Variants in ATR observed in about 807,000 individuals in gnomAD.
ATR encodes the protein ATR checkpoint kinase.
Under a neutral mutation model 305.3 loss-of-function variants are expected in ATR, and 142 were observed. The ratio of observed to expected loss-of-function variants is 0.47; its 90% CI spans 0.41 to 0.53. The LOEUF (loss-of-function observed/expected upper bound fraction) is 0.53. Among genes scored for constraint, ATR ranks in the 20% least tolerant of loss-of-function variants. The probability of loss-of-function intolerance (pLI) is 0.00; values close to 1 mark genes in which losing one functional copy is unlikely to be tolerated. For synonymous variants in ATR, 1,050 were observed against 1,068.1 expected (o/e 0.98, Z 0.33); for missense variants, 2,135 against 3,133.1 (o/e 0.68, Z 7.60).
At chr3:142,469,243 C>A in intron 38 of ATR, 94 bp downstream of exon 38, 1 of 1,017,474 alleles carries the variant, frequency 9.8e-7, no homozygotes, top group Non-Finnish European at 1.5e-6. Context: ...GAGAGACGCC[C>A]TGGAACTTGT....
At chr3:142,504,003 T>TA (rs2032110254) in intron 29 of ATR, among the ~76,000 whole-genome samples, 1 of 152,202 alleles carries the variant, frequency 6.6e-6, no homozygotes, top group African/African-American at 2.4e-5. Context: ...ACTAAAAAGT[T>TA]AAAGAGGATT....
At chr3:142,504,467 CT>C (rs779893116) in intron 29 of ATR, among the ~76,000 whole-genome samples, 239 of 143,184 alleles carry the variant, frequency 1.7e-3, no homozygotes, top group East Asian at 3.0e-3. Flanking sequence ...TGGAAGGGAC[CT>C]TTTTTTTTTT....
In ATR at chr3:142,553,583, T is replaced by TA; in HGVS notation, c.2633+56dup. On this transcript the variant is annotated intron_variant, in intron 12 of 46. Transcript: ENST00000350721. ...ATCACCATTTTTAACAGCAAGCAAA[T>TA]AAAAATGGAGAATGGCCAAAATAAA... is the stretch of plus-strand genomic sequence containing the variant. 4 of 1,517,438 alleles carry TA rather than the reference T, an allele frequency of 2.6e-6. No homozygotes were observed. The East Asian group carries it at 9.1e-5, about 34-fold the overall frequency. 94.0% of individuals were successfully genotyped at this position (1,517,438 alleles called of 1,614,324 possible). A position where few individuals can be genotyped will look rare whatever the true frequency, so the allele number is the denominator to read the frequency against.
In ATR at chr3:142,503,114, A is replaced by G. The variant is rs9856772; in HGVS notation, c.5288+248T>C. The stretch of plus-strand genomic sequence containing the variant: ...TCCCATCTGAGCCTCACCAATAGCC[A>G]GTGGGTTCTAGAAGTTCCTTGTGTT... On this transcript the variant is annotated intron_variant, in intron 30 of 46. Coordinates refer to ENST00000350721, the MANE Select transcript of ATR (RefSeq NM_001184.4). Among the ~76,000 whole-genome samples, 140,554 of 152,248 alleles carry G rather than the reference A, an allele frequency of 0.92. 65,034 individuals are homozygous for G. Among genetic ancestry groups the G allele is most frequent in the East Asian group, 1 (5,182 of 5,182 alleles).
chr3:142,490,294 G>C (rs111459230), intron 35 of ATR, among the ~76,000 whole-genome samples: 2,704 of 152,260 alleles, frequency 0.018, 29 homozygotes, highest in South Asian at 0.041. Context: ...AGCTTCAAGT[G>C]ATCCTCAGGC....
At chr3:142,504,410 A>T (rs2032133400) in intron 29 of ATR, among the ~76,000 whole-genome samples, 1 of 152,154 alleles carries the variant, frequency 6.6e-6, no homozygotes, top group Non-Finnish European at 1.5e-5. Flanking sequence ...ACTCCATAAT[A>T]AATCTTATTC....
At chr3:142,558,050 AAGG>A (rs1277376127) in intron 8 of ATR, among the ~76,000 whole-genome samples, 10 of 152,246 alleles carry the variant, frequency 6.6e-5, no homozygotes, top group Admixed American at 2.6e-4. Context: ...AATGATATGT[AAGG>A]ACACATTGCA....
chr3:142,464,859 A>G (rs1225065207), intron 41 of ATR, among the ~76,000 whole-genome samples: 1 of 152,196 alleles, frequency 6.6e-6, no homozygotes, highest in Non-Finnish European at 1.5e-5. Context: ...AAAACTGTCA[A>G]ATGTTAAGTT....
chr3:142,449,677 T>C (rs1002165577), intron 46 of ATR, 75 bp from the exon 47 acceptor site: 2 of 1,468,870 alleles, frequency 1.4e-6, no homozygotes, highest in African/African-American at 2.8e-5. Flanking sequence ...TATTTTGACA[T>C]TTAATAAATG....
In ATR at chr3:142,480,554, A is replaced by G. The variant is rs139645402; in HGVS notation, c.6221+4586T>C. Among the ~76,000 whole-genome samples, 2 of 152,196 alleles carry G rather than the reference A, an allele frequency of 1.3e-5. 1 individual carries two copies. The highest frequency in any genetic ancestry group is 4.1e-4 in the South Asian group (2 of 4,830). ...GTGTCAGGGTCCCACTTGAGGAGGC[A>G]GTCTGTCAGTGCTCAGATCTCAAAC... is the stretch of plus-strand genomic sequence containing the variant. On this transcript the variant is annotated intron_variant, in intron 36 of 46. Transcript: ENST00000350721.
chr3:142,567,103 C>T (rs2035100641), intron 2 of ATR, among the ~76,000 whole-genome samples: 1 of 152,134 alleles, frequency 6.6e-6, no homozygotes, highest in Admixed American at 6.5e-5. Flanking sequence ...CTCTACCATA[C>T]ATCTATTTAT....
At chr3:142,514,048 T>A (rs908345713) in intron 25 of ATR, among the ~76,000 whole-genome samples, 1 of 150,950 alleles carries the variant, frequency 6.6e-6, no homozygotes, top group African/African-American at 2.4e-5. Context: ...GGTGGGAGGA[T>A]CACGAGGTCA....
At position 142,571,488 on chromosome 3, in the gene ATR, TA is replaced by T. The variant is rs2035258110; in HGVS notation, c.60-3335del. On this transcript the variant is annotated intron_variant, in intron 1 of 46. Transcript: ENST00000350721. ...CTCAATAAATAAATAAATAAATAAA[TA>T]AATAAATAAATAAATAAATAATCAA... is the stretch of plus-strand genomic sequence containing the variant. Among the ~76,000 whole-genome samples the T allele has an allele frequency of 4.0e-5, 6 of 148,678 alleles. No homozygotes were observed. The South Asian group carries it at 1.3e-3, about 31-fold the overall frequency.
chr3:142,478,884 C>G (rs2030170603), intron 36 of ATR, among the ~76,000 whole-genome samples: 1 of 152,046 alleles, frequency 6.6e-6, no homozygotes, highest in South Asian at 2.1e-4. Context: ...GGTTTAAAGT[C>G]TGTTTTATCA....
At chr3:142,565,903 A>T (rs550057724) in intron 3 of ATR, among the ~76,000 whole-genome samples, 2 of 152,174 alleles carry the variant, frequency 1.3e-5, no homozygotes, top group African/African-American at 4.8e-5. Flanking sequence ...ATGGCAAATA[A>T]ACAAATTTGA....
At chr3:142,553,433 A>ATC in intron 12 of ATR, 35 bp from the exon 13 acceptor site, 1 of 1,404,258 alleles carries the variant, frequency 7.1e-7, no homozygotes. Flanking sequence ...TGAATACACA[A>ATC]ACACACACAC....
In ATR at chr3:142,561,274, G is replaced by C. The variant is rs535140939; in HGVS notation, c.1318C>G (p.Pro440Ala). Residue 440 changes from proline (P) to alanine (A), a missense_variant, in exon 5 of 47, where the codon CCT (proline) becomes GCT (alanine). Physicochemically the swap from Pro to Ala is conservative, Grantham distance 27. Transcript: ENST00000350721. ...GTCTGTTTTGGTGCTCTTTTAGAAGGGTTTAGAGACGAGCTGAGACGACGC... is the reference window on the plus strand; with the variant it reads ...GTCTGTTTTGGTGCTCTTTTAGAAGCGTTTAGAGACGAGCTGAGACGACGC... ...KRRRLSSSLNPSKRAPKQTEE... is the reference protein window; with the variant it reads ...KRRRLSSSLNASKRAPKQTEE... 1.1e-5 allele frequency: 18 copies of C among 1,614,010 alleles called. No homozygotes were observed. The highest frequency in any genetic ancestry group is 1.5e-5 in the Non-Finnish European group (18 of 1,179,954).
At chr3:142,510,841 C>A (rs982213154) in intron 27 of ATR, among the ~76,000 whole-genome samples, 2 of 151,448 alleles carry the variant, frequency 1.3e-5, no homozygotes, top group Non-Finnish European at 2.9e-5. Flanking sequence ...GTAAGAATAT[C>A]CATTAGTGTG....
intron 23 of ATR, among the ~76,000 whole-genome samples, chr3:142,520,731 C>T (rs1226404677): frequency 6.6e-6 from 1 of 151,872 alleles, no homozygotes; most frequent in Admixed American, 6.6e-5. Flanking sequence ...AAAAAAAAAC[C>T]CAAAAAGTTT....
Sources: gnomAD v4.1 joint callset for allele counts (sites outside exome capture counted in the v4.1 genomes callset) on GRCh38, gnomAD v4.1.1 for gene constraint, MANE v1.5 for transcripts, NCBI Gene and HGNC (gene_info 2026-07-23, HGNC 2026-07-21) for gene names.